PPM1B: variants seen among roughly 807,000 people sequenced by gnomAD.
PPM1B encodes the protein protein phosphatase, Mg2+/Mn2+ dependent 1B.
A neutral mutation model predicts 43.0 loss-of-function variants in PPM1B; 22 were observed. The observed-to-expected ratio is 0.51, with a 90% CI of 0.37 to 0.73. The LOEUF (loss-of-function observed/expected upper bound fraction) is 0.73, where lower values mean the gene tolerates loss of function less well. Among genes scored for constraint, PPM1B ranks in the 30% least tolerant of loss-of-function variants. PPM1B has a pLI of 0.00. For synonymous variants in PPM1B, 217 were observed against 197.9 expected, an observed-to-expected ratio of 1.10 and a Z score of -0.81; for missense variants, 632 against 584.2, an observed-to-expected ratio of 1.08 and a Z score of -0.84.
chr2:44,195,970 G>A, intron 1 of PPM1B, among the ~76,000 whole-genome samples: 1 of 152,154 alleles, frequency 6.6e-6, no homozygotes, highest in East Asian at 1.9e-4. Context: ...TCCCTCATCA[G>A]CTGCCTATCA....
At chr2:44,186,880 G>A (rs1237921241) in intron 1 of PPM1B, among the ~76,000 whole-genome samples, 8 of 152,138 alleles carry the variant, frequency 5.3e-5, no homozygotes, top group Non-Finnish European at 1.2e-4. Context: ...AAATTTAATT[G>A]TAGTACAAAA....
intron 3 of PPM1B, among the ~76,000 whole-genome samples, chr2:44,216,742 A>T (rs1322172680): frequency 3.3e-5 from 5 of 152,130 alleles, no homozygotes; most frequent in African/African-American, 1.2e-4. Flanking sequence ...CCTGGCCAAC[A>T]TGGTGAAACC....
At chr2:44,190,626 A>T (rs1211863760) in intron 1 of PPM1B, among the ~76,000 whole-genome samples, 1 of 152,192 alleles carries the variant, frequency 6.6e-6, no homozygotes, top group Non-Finnish European at 1.5e-5. Flanking sequence ...TAGTAGGCAG[A>T]TACATTTAAA....
intron 5 of PPM1B, among the ~76,000 whole-genome samples, chr2:44,228,572 A>G (rs556565098): frequency 6.3e-4 from 96 of 152,346 alleles, no homozygotes; most frequent in African/African-American, 2.2e-3. Context: ...TCTTTGTTGC[A>G]AAAGTATATG....
chr2:44,207,345 T>C (rs1465268328), intron 2 of PPM1B, among the ~76,000 whole-genome samples: 1 of 152,156 alleles, frequency 6.6e-6, no homozygotes, highest in African/African-American at 2.4e-5. Context: ...TTCACTTGAG[T>C]TGGCAAATTT....
chr2:44,202,805 G>A (rs1669001873), intron 2 of PPM1B, among the ~76,000 whole-genome samples: 1 of 152,108 alleles, frequency 6.6e-6, no homozygotes, highest in South Asian at 2.1e-4. Flanking sequence ...AAAAAGTCCA[G>A]AGTAATAGAT....
Position 44,192,231 on chromosome 2 carries a change from G to GTATTGTATTT in PPM1B, c.-14-8950_-14-8949insTATTTTATTG, listed in dbSNP as rs1192854155. 2.6e-5 allele frequency among the ~76,000 whole-genome samples: 4 copies of GTATTGTATTT among 151,168 alleles called. No individual in the cohort carries two copies. The East Asian group carries it at 5.8e-4, about 22-fold the overall frequency. On this transcript the variant is annotated intron_variant, in intron 1 of 5. Transcript: ENST00000282412. ...GTATTGTATTGTATTGTATTGTATT[G>GTATTGTATTT]TATTGAGATGGAGTTTCGCTCTGTC...
At chr2:44,217,929 TC>T (rs772703905) in intron 3 of PPM1B, 37 bp from the exon 4 acceptor site, 2 of 1,382,758 alleles carry the variant, frequency 1.4e-6, no homozygotes, top group Non-Finnish European at 2.0e-6. Context: ...TACTGGCTTA[TC>T]ACATTAATTT....
chr2:44,209,560 T>C, intron 3 of PPM1B: 5 of 387,134 alleles, frequency 1.3e-5, no homozygotes, highest in South Asian at 9.4e-5. Context: ...GGCGGGCAGA[T>C]CATGAGGTCA....
At chr2:44,199,324 T>A (rs59283729) in intron 1 of PPM1B, among the ~76,000 whole-genome samples, 16,262 of 73,204 alleles carry the variant, frequency 0.22, 1,159 homozygotes, top group African/African-American at 0.35. Flanking sequence ...AAAATAAAAA[T>A]AAAAAAAAAA....
At chr2:44,235,603 CAAAAAAAA>C (rs60734033), downstream of PPM1B, among the ~76,000 whole-genome samples, 2 of 73,500 alleles carry the variant, frequency 2.7e-5, no homozygotes, top group Non-Finnish European at 5.1e-5. Flanking sequence ...AATTCCATCT[CAAAAAAAA>C]AAAAAAAAAA....
At chr2:44,223,117 C>A (rs1291036988) in intron 5 of PPM1B, among the ~76,000 whole-genome samples, 1 of 152,172 alleles carries the variant, frequency 6.6e-6, no homozygotes, top group Non-Finnish European at 1.5e-5. Flanking sequence ...CAGACGTGAG[C>A]CACTGCATCC....
chr2:44,213,818 G>C (rs1669595270), intron 3 of PPM1B: 1 of 152,154 alleles, frequency 6.6e-6, no homozygotes, highest in African/African-American at 2.4e-5. Context: ...ATATCATTAA[G>C]AGGAGCTGTT....
chr2:44,204,858 CAAAAAAAAAAAAA>C (rs368660082), intron 2 of PPM1B, among the ~76,000 whole-genome samples: 805 of 36,714 alleles, frequency 0.022, 15 homozygotes, highest in African/African-American at 0.046. Context: ...GACTCCGTCT[CAAAAAAAAAAAAA>C]AAAAAAAAAA....
At chr2:44,190,044 A>G (rs767759037) in intron 1 of PPM1B, among the ~76,000 whole-genome samples, 1 of 152,052 alleles carries the variant, frequency 6.6e-6, no homozygotes, top group Non-Finnish European at 1.5e-5. Flanking sequence ...TTACAAAAAT[A>G]TTTCACAAAA....
chr2:44,214,111 G>A (rs747193320), intron 3 of PPM1B, among the ~76,000 whole-genome samples: 3 of 152,046 alleles, frequency 2.0e-5, no homozygotes, highest in East Asian at 3.9e-4. Context: ...ACAGAGTCTC[G>A]CACTGTCACC....
chr2:44,211,265 T>C (rs763992213), intron 3 of PPM1B, among the ~76,000 whole-genome samples: 1 of 152,250 alleles, frequency 6.6e-6, no homozygotes, highest in African/African-American at 2.4e-5. Context: ...GCATGTGTGC[T>C]GCATTTAGCT....
At chr2:44,207,442 G>A (rs1402074413) in intron 2 of PPM1B, among the ~76,000 whole-genome samples, 2 of 152,076 alleles carry the variant, frequency 1.3e-5, no homozygotes, top group East Asian at 1.9e-4. Context: ...GAAAAAAATC[G>A]TTATTCCAAG....
At chr2:44,223,728 A>G (rs1572749333) in intron 5 of PPM1B, among the ~76,000 whole-genome samples, 1 of 145,570 alleles carries the variant, frequency 6.9e-6, no homozygotes, top group Middle Eastern at 3.5e-3. Flanking sequence ...GGGCAGGAGA[A>G]TGGTGTGAAC....
Sources: allele counts gnomAD v4.1 joint callset (sites outside exome capture counted in the v4.1 genomes callset), GRCh38; gene constraint gnomAD v4.1.1; transcripts MANE v1.5; gene names NCBI Gene and HGNC (gene_info 2026-07-23, HGNC 2026-07-21).